Variants in RER1 observed in about 807,000 individuals in gnomAD.
RER1 encodes retention in endoplasmic reticulum sorting receptor 1.
Under a neutral mutation model 28.3 loss-of-function variants are expected in RER1, and 6 were observed. The ratio of observed to expected loss-of-function variants is 0.21; its 90% CI spans 0.12 to 0.42. RER1 has a LOEUF of 0.42. RER1 is among the 10% of genes least tolerant of loss of function. The pLI, the probability that RER1 is intolerant of heterozygous loss-of-function variation, is 1.00. For missense variants in RER1, 159 were observed against 252.9 expected (o/e 0.63, Z 2.52); for synonymous variants, 110 against 95.9 (o/e 1.15, Z -0.86).
rs866875767 is a variant in RER1 at position 2,400,871 on chromosome 1, C to A, written c.301C>A (p.Leu101Ile). ...CTGCCTTACAGATGACGGTCCTTCG[C>A]TACCCACCAAACAGAACGAGGAATT... ...LMEDSDDGPS[L>I]PTKQNEEFRP... Residue 101 changes from leucine to isoleucine, a missense_variant, in exon 5 of 7, where the codon CTA (leucine) becomes ATA (isoleucine). Leu to Ile is a conservative substitution (Grantham distance 5, BLOSUM62 2). Coordinates refer to ENST00000605895, the MANE Select transcript of RER1 (RefSeq NM_007033.5). The A allele has an allele frequency of 6.2e-7, 1 of 1,614,046 alleles. No individual in the cohort carries two copies. The highest frequency in any genetic ancestry group is 8.5e-7 in the Non-Finnish European group (1 of 1,179,932).
Position 2,395,875 on chromosome 1 carries a change from G to A in RER1, c.81+4G>A. ...ATTTTTCACAAGACTTGGACAGGTTGGTGGGTTTTTTAGTAGATGAGTATA... is the reference window on the plus strand; with the variant it reads ...ATTTTTCACAAGACTTGGACAGGTTAGTGGGTTTTTTAGTAGATGAGTATA... On this transcript the variant is annotated splice_donor_region_variant and intron_variant, in intron 2 of 6. Transcript: ENST00000605895. 6.2e-7 allele frequency: 1 copy of A among 1,611,590 alleles called. No individual in the cohort carries two copies. The highest frequency in any genetic ancestry group is 1.1e-5 in the South Asian group (1 of 91,030).
chr1:2,397,164 T>TG lies in RER1; in HGVS notation c.133dup (p.Val45GlyfsTer53). 1 of 1,614,152 alleles carries TG rather than the reference T, an allele frequency of 6.2e-7. No individual in the cohort carries two copies. Among genetic ancestry groups the TG allele is most frequent in the Non-Finnish European group, 8.5e-7 (1 of 1,179,982 alleles). On this transcript the variant is annotated frameshift_variant, in exon 3 of 7. Coordinates refer to ENST00000605895, the MANE Select transcript of RER1 (RefSeq NM_007033.5). LOFTEE classifies it high-confidence loss of function. ...GTCCACACCCTACACGGCTGTGCGA[T>TG]GGGTCGTGACACTGGGCCTGAGCTT...
At position 2,405,407 on chromosome 1, in the gene RER1, A is replaced by C. The variant is rs1642965667; in HGVS notation, c.*2283A>C. 1 of 404,972 alleles carries C rather than the reference A, an allele frequency of 2.5e-6. No homozygotes were observed. Among genetic ancestry groups the C allele is most frequent in the Non-Finnish European group, 4.7e-6 (1 of 212,630 alleles). The allele number at this position is 404,972 out of a possible 1,614,324, so 25.1% of individuals were successfully genotyped here. On this transcript the variant is annotated 3_prime_UTR_variant, in exon 7 of 7. Coordinates refer to ENST00000605895, the MANE Select transcript of RER1 (RefSeq NM_007033.5). ...AGCCTGATGGGGCTGTTTTCTCACA[A>C]TATAAACGAATAAAGTGTCTTCTGG... is the stretch of plus-strand genomic sequence containing the variant.
chr1:2,398,614 C>T (rs566396636), intron 3 of RER1, among the ~76,000 whole-genome samples: 2 of 152,368 alleles, frequency 1.3e-5, no homozygotes, highest in East Asian at 3.9e-4. Context: ...GTCTTGAACT[C>T]CTGACCTCAG....
At position 2,404,266 on chromosome 1, in the gene RER1, C is replaced by T. The variant is rs1237840509; in HGVS notation, c.*1142C>T. 6.6e-6 allele frequency: 1 copy of T among 152,252 alleles called. No individual in the cohort carries two copies. The highest frequency in any genetic ancestry group is 1.5e-5 in the Non-Finnish European group (1 of 68,056). The allele number at this position is 152,252 out of a possible 1,614,324, so 9.4% of individuals were successfully genotyped here. On this transcript the variant is annotated 3_prime_UTR_variant, in exon 7 of 7. Transcript: ENST00000605895. ...GTGTTTACATATCTGACATCGAGCT[C>T]CTCTAAGAGGCCACGTTCAAGCTTG...
chr1:2,398,177 G>A (rs1383118387), intron 3 of RER1, among the ~76,000 whole-genome samples: 2 of 151,818 alleles, frequency 1.3e-5, no homozygotes, highest in African/African-American at 4.9e-5. Flanking sequence ...CCCTGCAGCC[G>A]AGGATGGACA....
chr1:2,402,260 C>G lies in RER1; in HGVS notation c.419C>G (p.Ala140Gly), dbSNP rs1428817899. 1 of 1,614,126 alleles carries G rather than the reference C, an allele frequency of 6.2e-7. No individual in the cohort carries two copies. Among genetic ancestry groups the G allele is most frequent in the Non-Finnish European group, 8.5e-7 (1 of 1,180,054 alleles). ...GCTATGGTCTGTACTTTCTTCGACGCTTTCAACGTCCCGGTGTTCTGGCCG... is the reference window on the plus strand; with the variant it reads ...GCTATGGTCTGTACTTTCTTCGACGGTTTCAACGTCCCGGTGTTCTGGCCG... ...LVAMVCTFFD[A>G]FNVPVFWPIL... The change falls in exon 6 of 7, where the codon GCT (alanine) becomes GGT (glycine). Residue 140 changes from alanine (A) to glycine (G), a missense_variant. Physicochemically the swap from Ala to Gly is moderately conservative, Grantham distance 60 (BLOSUM62 0). Transcript: ENST00000605895.
chr1:2,403,023 T>C lies in RER1; in HGVS notation c.502-12T>C, dbSNP rs202236649. ...GGTTGTGCAGTAACTGAGTCTGTGT[T>C]TCTCTCCCCAGCACATGATTAAGTA... On this transcript the variant is annotated splice_polypyrimidine_tract_variant and intron_variant, in intron 6 of 6. Transcript: ENST00000605895. The C allele has an allele frequency of 1.1e-5, 18 of 1,609,776 alleles. No homozygotes were observed. The African/African-American group carries it at 1.6e-4, about 14-fold the overall frequency.
chr1:2,397,020 A>G, intron 2 of RER1, 96 bp from the exon 3 acceptor site: 1 of 738,886 alleles, frequency 1.4e-6, no homozygotes, highest in Non-Finnish European at 2.4e-6. Flanking sequence ...TGTTTTAAAA[A>G]TTGAAAGCCA....
intron 1 of RER1, chr1:2,394,291 G>C (rs923783918): frequency 2.0e-5 from 3 of 152,240 alleles, no homozygotes; most frequent in Admixed American, 2.0e-4. Context: ...CGGTGTCATG[G>C]AGCCACATTC....
intron 1 of RER1, among the ~76,000 whole-genome samples, chr1:2,392,490 C>A (rs947848977): frequency 6.6e-6 from 1 of 152,208 alleles, no homozygotes; most frequent in Non-Finnish European, 1.5e-5. Context: ...GCAATAAAAT[C>A]ATAAATTCTC....
Position 2,402,323 on chromosome 1 carries a change from C to T in RER1, c.482C>T (p.Thr161Met), listed in dbSNP as rs772801720. Residue 161 changes from threonine (T) to methionine (M), a missense_variant, in exon 6 of 7, where the codon ACG becomes ATG. Transcript: ENST00000605895. ...VMYFIMLFCI[T>M]MKRQIKHMIK... ...TACTTCATCATGCTCTTCTGTATCACGATGAAGAGGCAAATCAAGGTAAAG... is the reference window on the plus strand; with the variant it reads ...TACTTCATCATGCTCTTCTGTATCATGATGAAGAGGCAAATCAAGGTAAAG... 4 of 1,614,196 alleles carry T rather than the reference C, an allele frequency of 2.5e-6. No homozygotes were observed. Among genetic ancestry groups the T allele is most frequent in the South Asian group, 1.1e-5 (1 of 91,088 alleles).
At chr1:2,399,836 CCAGT>C (rs982467571) in intron 4 of RER1, among the ~76,000 whole-genome samples, 1 of 152,224 alleles carries the variant, frequency 6.6e-6, no homozygotes, top group African/African-American at 2.4e-5. Context: ...CCGTCCCACC[CCAGT>C]CAGTGGTCCC....
At chr1:2,400,815 A>G (rs1212482364) in intron 4 of RER1, 42 bp from the exon 5 acceptor site, 3 of 1,506,278 alleles carry the variant, frequency 2.0e-6, no homozygotes, top group Non-Finnish European at 2.8e-6. Context: ...TGTGATGGGA[A>G]TGAAAAGAGG....
chr1:2,395,802 G>A lies in RER1; in HGVS notation c.12G>A (p.Gly4=). MSE[G]DSVGESVHGK... is the part of the protein sequence containing the mutation. ...CTCCCAGTTACAGAATGTCTGAAGGGGACAGTGTGGGAGAATCCGTCCATG... is the reference window on the plus strand; with the variant it reads ...CTCCCAGTTACAGAATGTCTGAAGGAGACAGTGTGGGAGAATCCGTCCATG... The change falls in exon 2 of 7, where the codon GGG becomes GGA. Residue 4 remains glycine, a synonymous_variant. Transcript: ENST00000605895. 6.2e-7 allele frequency: 1 copy of A among 1,613,274 alleles called. No individual in the cohort carries two copies. Among genetic ancestry groups the A allele is most frequent in the Non-Finnish European group, 8.5e-7 (1 of 1,179,188 alleles).
Position 2,403,804 on chromosome 1 carries a change from TAATTTA to T in RER1, c.*684_*689del, listed in dbSNP as rs1642912522. On this transcript the variant is annotated 3_prime_UTR_variant, in exon 7 of 7. Transcript: ENST00000605895. The stretch of plus-strand genomic sequence containing the variant: ...TTTGATACGTAGAGTGTTTTGTTTT[TAATTTA>T]AATCTGTCCTCATGCAACCCTCCAT... 6.6e-6 allele frequency: 1 copy of T among 152,646 alleles called. No homozygotes were observed. The highest frequency in any genetic ancestry group is 1.5e-5 in the Non-Finnish European group (1 of 68,050). The allele number at this position is 152,646 out of a possible 1,614,324, so 9.5% of individuals were successfully genotyped here. A position where few individuals can be genotyped will look rare whatever the true frequency, so the allele number is the denominator to read the frequency against.
chr1:2,401,287 T>TTCCTGCCGCC (rs1642850315), intron 5 of RER1, among the ~76,000 whole-genome samples: 1 of 29,264 alleles, frequency 3.4e-5, no homozygotes. Context: ...TCCCTCCTCC[T>TTCCTGCCGCC]TCCTCCCTCC....
Position 2,402,360 on chromosome 1 carries a change from C to A in RER1, c.501+18C>A, listed in dbSNP as rs767775295. On this transcript the variant is annotated intron_variant, in intron 6 of 6. Coordinates refer to ENST00000605895, the MANE Select transcript of RER1 (RefSeq NM_007033.5). ...AAATCAAGGTAAAGCAGAGGCGCTG[C>A]CGCCACGCCGGCCGCAATCGCTGTT... 6.8e-6 allele frequency: 11 copies of A among 1,613,762 alleles called. No homozygotes were observed. The South Asian group carries it at 1.2e-4, about 18-fold the overall frequency.
At chr1:2,396,724 C>T (rs1642773354) in intron 2 of RER1, among the ~76,000 whole-genome samples, 1 of 152,174 alleles carries the variant, frequency 6.6e-6, no homozygotes, top group Non-Finnish European at 1.5e-5. Context: ...CTGCTGGCTG[C>T]TGCAGATGGG....
Sources: gnomAD v4.1 joint callset for allele counts (sites outside exome capture counted in the v4.1 genomes callset) on GRCh38, gnomAD v4.1.1 for gene constraint, MANE v1.5 for transcripts, NCBI Gene and HGNC (gene_info 2026-07-23, HGNC 2026-07-21) for gene names.